The following C3 variants were observed in gnomAD, a reference collection of about 807,000 sequenced individuals.
The protein encoded by C3 is complement C3.
Under a neutral mutation model 207.9 loss-of-function variants are expected in C3, and 97 were observed. That is an observed-to-expected ratio of 0.47 (90% CI 0.40 to 0.55). The LOEUF (loss-of-function observed/expected upper bound fraction) is 0.55. C3 is among the 20% of genes least tolerant of loss of function. The probability of loss-of-function intolerance (pLI) is 0.00; values close to 1 mark genes in which losing one functional copy is unlikely to be tolerated. For missense variants in C3, 1,684 were observed against 2,171.7 expected, an observed-to-expected ratio of 0.78 and a Z score of 4.46; for synonymous variants, 848 against 857.6, an observed-to-expected ratio of 0.99 and a Z score of 0.20.
intron 19 of C3, among the ~76,000 whole-genome samples, chr19:6,699,356 G>A (rs888541484): frequency 6.7e-6 from 1 of 149,970 alleles, no homozygotes; most frequent in South Asian, 2.1e-4. Context: ...TTACAGGCTT[G>A]AGCCTTTGCA....
At chr19:6,711,564 A>C (rs1967923504) in intron 11 of C3, among the ~76,000 whole-genome samples, 1 of 152,102 alleles carries the variant, frequency 6.6e-6, no homozygotes, top group South Asian at 2.1e-4. Context: ...AGGACTTCTG[A>C]CCTCTCAAAC....
intron 19 of C3, among the ~76,000 whole-genome samples, chr19:6,700,217 C>CA (rs1568218673): frequency 2.1e-4 from 24 of 115,398 alleles, no homozygotes; most frequent in East Asian, 6.9e-4. Context: ...GTATATATTA[C>CA]ATATATATTA....
intron 23 of C3, among the ~76,000 whole-genome samples, chr19:6,695,742 G>T (rs898058588): frequency 6.6e-6 from 1 of 151,912 alleles, no homozygotes; most frequent in East Asian, 1.9e-4. Context: ...GCCTCCCAAA[G>T]TGCTGGGATT....
intron 14 of C3, among the ~76,000 whole-genome samples, chr19:6,708,957 GATTCC>G (rs1967847362): frequency 6.6e-6 from 1 of 151,970 alleles, no homozygotes; most frequent in African/African-American, 2.4e-5. Flanking sequence ...AAAGTGCTGG[GATTCC>G]AGACGTGAGC....
intron 29 of C3, 104 bp from the exon 30 acceptor site, chr19:6,685,250 G>A: frequency 9.2e-7 from 1 of 1,091,728 alleles, no homozygotes; most frequent in Non-Finnish European, 1.4e-6. Context: ...ACATCAAAAT[G>A]TGGCCTAGAA....
intron 23 of C3, among the ~76,000 whole-genome samples, chr19:6,695,592 G>A (rs1020367083): frequency 6.6e-6 from 1 of 151,972 alleles, no homozygotes; most frequent in Non-Finnish European, 1.5e-5. Context: ...CGATTATCCT[G>A]CTTCAGCCTC....
intron 14 of C3, among the ~76,000 whole-genome samples, chr19:6,708,561 C>CTCCT (rs369901403): frequency 6.1e-5 from 9 of 147,546 alleles, no homozygotes; most frequent in South Asian, 2.2e-4. Flanking sequence ...CCCTCCTTCC[C>CTCCT]TCCTTCCTTC....
chr19:6,700,811 T>C (rs1967658153), intron 19 of C3, among the ~76,000 whole-genome samples: 1 of 76,396 alleles, frequency 1.3e-5, no homozygotes, highest in African/African-American at 5.4e-5. Context: ...TTATATATTA[T>C]AATTATAAAC....
At chr19:6,702,639 T>C (rs1967699334) in intron 17 of C3, 60 bp from the exon 18 acceptor site, 1 of 1,213,798 alleles carries the variant, frequency 8.2e-7, no homozygotes. Context: ...GGCTCATGCC[T>C]GAAATCCCAG....
chr19:6,712,693 G>T, intron 9 of C3, 70 bp from the exon 10 acceptor site: 1 of 1,288,762 alleles, frequency 7.8e-7, no homozygotes, highest in Admixed American at 1.7e-5. Flanking sequence ...CCTCAGAATG[G>T]ACCCCAACTT....
At chr19:6,716,224 C>T (rs948261198) in intron 4 of C3, among the ~76,000 whole-genome samples, 1 of 151,866 alleles carries the variant, frequency 6.6e-6, no homozygotes, top group Non-Finnish European at 1.5e-5. Flanking sequence ...TGCATTTGCC[C>T]CAATTATTTT....
In C3 at chr19:6,719,137, G is replaced by A. The variant is rs932738397; in HGVS notation, c.267+74C>T. 3.8e-6 allele frequency: 5 copies of A among 1,304,118 alleles called. No homozygotes were observed. The South Asian group carries it at 4.7e-5, about 12-fold the overall frequency. The allele number at this position is 1,304,118 out of a possible 1,614,324, so 80.8% of individuals were successfully genotyped here. ...CTTAGAAAGGGAGAAGACAGAAGGG[G>A]AGGGGCTCAGGAGGAGGGGGGGAGT... On this transcript the variant is annotated intron_variant, in intron 2 of 40. Transcript: ENST00000245907. The surrounding 1 kb of genome is among the most constrained non-coding windows in gnomAD (Gnocchi z 5.4).
chr19:6,707,715 C>A (rs572868900), intron 15 of C3, 85 bp downstream of exon 15: 12 of 1,586,512 alleles, frequency 7.6e-6, no homozygotes, highest in Non-Finnish European at 9.5e-6. Context: ...TGAACCCAGG[C>A]CCCCGGTTTC....
At position 6,702,667 on chromosome 19, in the gene C3, G is replaced by A. The variant is rs1967700108; in HGVS notation, c.2246-88C>T. The A allele has an allele frequency of 3.4e-6, 3 of 894,258 alleles. No homozygotes were observed. In the Admixed American group the frequency reaches 5.2e-5, roughly 15 times the overall value. The allele number at this position is 894,258 out of a possible 1,614,324, so 55.4% of individuals were successfully genotyped here. ...AATCCCAGCACTTAGGGAGGCCAAGGCAGGTGGATCACTTGAGGCCAGGAG... is the reference window on the plus strand; with the variant it reads ...AATCCCAGCACTTAGGGAGGCCAAGACAGGTGGATCACTTGAGGCCAGGAG... On this transcript the variant is annotated intron_variant, in intron 17 of 40. Transcript: ENST00000245907.
At position 6,693,004 on chromosome 19, in the gene C3, C is replaced by T. The variant is rs2145406679; in HGVS notation, c.3310G>A (p.Val1104Ile). ...AIDSQVLCGA[V>I]KWLILEKQKP... ...TGCTTCTCCAGGATCAGCCATTTAACAGCCCCGCAGAGGACTTGGGAGTCG... is the reference window on the plus strand; with the variant it reads ...TGCTTCTCCAGGATCAGCCATTTAATAGCCCCGCAGAGGACTTGGGAGTCG... The change falls in exon 26 of 41, where the codon GTT (valine) becomes ATT (isoleucine). Residue 1104 changes from valine (V) to isoleucine (I), a missense_variant. Val to Ile is a conservative substitution (Grantham distance 29, BLOSUM62 3). This residue lies in a region of C3 where 1,280 missense variants were observed against 1,739.1 expected (regional missense o/e 0.74). Coordinates refer to ENST00000245907, the MANE Select transcript of C3 (RefSeq NM_000064.4). The T allele has an allele frequency of 6.2e-7, 1 of 1,614,206 alleles. No homozygotes were observed. Among genetic ancestry groups the T allele is most frequent in the East Asian group, 2.2e-5 (1 of 44,882 alleles).
chr19:6,717,769 CTGTG>C, intron 4 of C3: 1 of 470,906 alleles, frequency 2.1e-6, no homozygotes, highest in Non-Finnish European at 3.9e-6. Flanking sequence ...GCACGTTGTG[CTGTG>C]TGTATTGTGT....
At position 6,714,161 on chromosome 19, in the gene C3, C is replaced by A; in HGVS notation, c.682+5G>T. The A allele has an allele frequency of 6.2e-7, 1 of 1,613,616 alleles. No individual in the cohort carries two copies. Among genetic ancestry groups the A allele is most frequent in the South Asian group, 1.1e-5 (1 of 91,072 alleles). ...CTGACTCCCCCCAGCCCCTCCTCCT[C>A]TTACCGTACTCCTTCACCTCAAACT... On this transcript the variant is annotated splice_donor_5th_base_variant and intron_variant, in intron 6 of 40. Coordinates refer to ENST00000245907, the MANE Select transcript of C3 (RefSeq NM_000064.4).
chr19:6,708,507 C>CCCTCCATT lies in C3; in HGVS notation c.1846-586_1846-579dup, dbSNP rs200425100. 1.2e-3 allele frequency among the ~76,000 whole-genome samples: 174 copies of CCCTCCATT among 151,008 alleles called. 2 individuals are homozygous for CCCTCCATT. The highest frequency in any genetic ancestry group is 3.5e-3 in the African/African-American group (145 of 41,194). On this transcript the variant is annotated intron_variant, in intron 14 of 40. Coordinates refer to ENST00000245907, the MANE Select transcript of C3 (RefSeq NM_000064.4). ...CCTTCCTTCCTCTCCCTCCCTTCCT[C>CCCTCCATT]CCTCCATTCCTCCTTTCCTCCTTCC... is the stretch of plus-strand genomic sequence containing the variant.
intron 19 of C3, 111 bp downstream of exon 19, chr19:6,702,016 G>A: frequency 1.4e-6 from 1 of 736,824 alleles, no homozygotes; most frequent in Non-Finnish European, 2.5e-6. Context: ...AACCAGGGCA[G>A]AGAATAAAGT....
Sources: gnomAD v4.1 joint callset for allele counts (sites outside exome capture counted in the v4.1 genomes callset) on GRCh38, gnomAD v4.1.1 for gene constraint, gnomAD v4.1.1 regional missense constraint, Gnocchi (gnomAD v3.1) non-coding constraint, MANE v1.5 for transcripts, NCBI Gene and HGNC (gene_info 2026-07-23, HGNC 2026-07-21) for gene names.